RELN: variants seen among roughly 807,000 people sequenced by gnomAD.
RELN encodes reelin.
Under a neutral mutation model 427.6 loss-of-function variants are expected in RELN, and 108 were observed. The ratio of observed to expected loss-of-function variants is 0.25; its 90% confidence interval spans 0.22 to 0.30. RELN has a LOEUF of 0.30. Ranked by LOEUF, RELN falls within the 10% of genes least tolerant of loss-of-function variation. RELN has a pLI of 1.00. For missense variants in RELN, 3,715 were observed against 4,302.8 expected, an observed-to-expected ratio of 0.86 and a Z score of 3.82; for synonymous variants, 1,524 against 1,513.4, an observed-to-expected ratio of 1.01 and a Z score of -0.16.
At chr7:103,936,653 T>G (rs569156502) in intron 1 of RELN, among the ~76,000 whole-genome samples, 25 of 150,616 alleles carry the variant, frequency 1.7e-4, no homozygotes, top group Admixed American at 5.3e-4. Flanking sequence ...AACTTTTCCC[T>G]CCCCCAACTT....
chr7:103,844,894 T>G (rs1314617084), intron 2 of RELN, among the ~76,000 whole-genome samples: 2 of 152,192 alleles, frequency 1.3e-5, no homozygotes, highest in African/African-American at 4.8e-5. Flanking sequence ...AGTGTCCATT[T>G]AAATAGGTAA....
At chr7:103,617,609 G>GATAT (rs140490525) in intron 20 of RELN, among the ~76,000 whole-genome samples, 4 of 149,710 alleles carry the variant, frequency 2.7e-5, no homozygotes, top group African/African-American at 1.0e-4. Flanking sequence ...ATTCCTTTCA[G>GATAT]ATATATATAT....
At chr7:103,740,986 G>A (rs561737491) in intron 6 of RELN, among the ~76,000 whole-genome samples, 1 of 152,296 alleles carries the variant, frequency 6.6e-6, no homozygotes, top group Admixed American at 6.5e-5. Flanking sequence ...CTATCTGGTG[G>A]TGTGTGGCAG....
At position 103,553,726 on chromosome 7, in the gene RELN, T is replaced by A. The variant is rs1284690672; in HGVS notation, c.5903A>T (p.Asp1968Val). 6.2e-6 allele frequency: 10 copies of A among 1,614,140 alleles called. No individual in the cohort carries two copies. The highest frequency in any genetic ancestry group is 1.3e-5 in the African/African-American group (1 of 75,046). The change falls in exon 39 of 65, where the codon GAC becomes GTC. Residue 1968 changes from aspartate to valine, a missense_variant. Physicochemically the swap from Asp to Val is radical, Grantham distance 152. Coordinates refer to ENST00000428762, the MANE Select transcript of RELN (RefSeq NM_005045.4). ...ACCACCAGGATAGAAAAACCAATTG[T>A]CTTCTCTGGGCCCAAAATCAAATGT... ...LDTFDFGPREDNWFFYPGGNI... is the reference protein window; with the variant it reads ...LDTFDFGPREVNWFFYPGGNI...
At chr7:103,842,861 T>A (rs532366484) in intron 2 of RELN, among the ~76,000 whole-genome samples, 2 of 152,268 alleles carry the variant, frequency 1.3e-5, no homozygotes, top group South Asian at 4.2e-4. Context: ...CCTTACTCAG[T>A]GCACTTAAAA....
chr7:103,498,006 T>C (rs1828893044), intron 54 of RELN, 71 bp downstream of exon 54: 1 of 1,599,734 alleles, frequency 6.3e-7, no homozygotes, highest in East Asian at 2.2e-5. Flanking sequence ...ATTTCTTCCA[T>C]ACAAGTGTTC....
At chr7:103,681,282 T>C (rs780064818) in intron 11 of RELN, among the ~76,000 whole-genome samples, 3 of 152,204 alleles carry the variant, frequency 2.0e-5, no homozygotes, top group Non-Finnish European at 4.4e-5. Context: ...TCAGTTTTGA[T>C]TTAATTTGTT....
chr7:103,862,458 T>C (rs1467176747), intron 2 of RELN, among the ~76,000 whole-genome samples: 1 of 148,474 alleles, frequency 6.7e-6, no homozygotes, highest in Admixed American at 6.8e-5. Context: ...TATCTATCTA[T>C]CTATCTATCT....
chr7:103,524,376 T>C (rs1349468050), intron 46 of RELN, among the ~76,000 whole-genome samples: 1 of 133,902 alleles, frequency 7.5e-6, no homozygotes, highest in East Asian at 2.6e-4. Context: ...ACCAGACTTA[T>C]TTTACATTGA....
At chr7:103,612,640 C>T (rs1474469556) in intron 20 of RELN, among the ~76,000 whole-genome samples, 1 of 152,110 alleles carries the variant, frequency 6.6e-6, no homozygotes, top group Non-Finnish European at 1.5e-5. Context: ...TTTGCAGTAG[C>T]TGTGTTTGGT....
chr7:103,636,468 C>T lies in RELN; in HGVS notation c.2070G>A (p.Lys690=). The part of the protein sequence containing the change: ...GRGQCTRHGC[K]CDPGFSGPAC... The stretch of plus-strand genomic sequence containing the variant: ...CTGGGCCAGAAAATCCAGGGTCACA[C>T]CTGAAAGAAATATGGTGAAATTAAA... Residue 690 remains lysine, a splice_region_variant and synonymous_variant, in exon 18 of 65, where the codon AAG becomes AAA. Transcript: ENST00000428762. 2 of 1,587,750 alleles carry T rather than the reference C, an allele frequency of 1.3e-6. No homozygotes were observed. Among genetic ancestry groups the T allele is most frequent in the East Asian group, 2.2e-5 (1 of 44,674 alleles).
At chr7:103,971,694 A>C (rs956730877) in intron 1 of RELN, among the ~76,000 whole-genome samples, 1 of 152,210 alleles carries the variant, frequency 6.6e-6, no homozygotes, top group African/African-American at 2.4e-5. Context: ...TGTTATTAAT[A>C]AATTTTGAAC....
chr7:103,663,567 C>T (rs1338511272), intron 11 of RELN, among the ~76,000 whole-genome samples: 1 of 152,150 alleles, frequency 6.6e-6, no homozygotes, highest in Admixed American at 6.6e-5. Context: ...TCTTCTTCTC[C>T]CGACCACACG....
chr7:103,580,572 T>C (rs1318865548), intron 28 of RELN, among the ~76,000 whole-genome samples: 2 of 152,288 alleles, frequency 1.3e-5, no homozygotes, highest in South Asian at 2.1e-4. Context: ...ATATATTTAA[T>C]TAATTATTTT....
intron 3 of RELN, among the ~76,000 whole-genome samples, chr7:103,779,361 G>T (rs897108612): frequency 6.6e-6 from 1 of 152,282 alleles, no homozygotes; most frequent in East Asian, 1.9e-4. Context: ...CTTGGGAAAA[G>T]AAGTAGTAGT....
intron 22 of RELN, among the ~76,000 whole-genome samples, chr7:103,610,118 G>A (rs1831916224): frequency 6.6e-6 from 1 of 152,068 alleles, no homozygotes; most frequent in Admixed American, 6.6e-5. Flanking sequence ...CTTTTTGAGT[G>A]ATCAATCTAA....
Position 103,523,534 on chromosome 7 carries a change from T to C in RELN, c.7350-3A>G. On this transcript the variant is annotated splice_polypyrimidine_tract_variant and splice_region_variant and intron_variant, in intron 46 of 64. Transcript: ENST00000428762. ...AACGGAAACGAGTGGCTTGGGACCTTTGAAGAAGATGAGAATTTTAATGAA... is the reference window on the plus strand; with the variant it reads ...AACGGAAACGAGTGGCTTGGGACCTCTGAAGAAGATGAGAATTTTAATGAA... The C allele has an allele frequency of 6.2e-7, 1 of 1,614,074 alleles. No individual in the cohort carries two copies. The highest frequency in any genetic ancestry group is 8.5e-7 in the Non-Finnish European group (1 of 1,180,000).
chr7:103,963,379 T>C (rs1449999264), intron 1 of RELN, among the ~76,000 whole-genome samples: 1 of 152,204 alleles, frequency 6.6e-6, no homozygotes, highest in African/African-American at 2.4e-5. Context: ...ATTTTAATTC[T>C]CAATGTATAA....
chr7:103,883,365 A>G (rs1794650629), intron 2 of RELN, among the ~76,000 whole-genome samples: 1 of 152,214 alleles, frequency 6.6e-6, no homozygotes. Flanking sequence ...CCCTTTGAAA[A>G]CCGGCGCAAG....
Sources: allele counts gnomAD v4.1 joint callset (sites outside exome capture counted in the v4.1 genomes callset), GRCh38; gene constraint gnomAD v4.1.1; transcripts MANE v1.5; gene names NCBI Gene and HGNC (gene_info 2026-07-23, HGNC 2026-07-21).